GLI3: variants seen among roughly 807,000 people sequenced by gnomAD.
GLI3 encodes transcription activator GLI3.
GLI3 carries 20 observed loss-of-function variants against 100.8 expected under a neutral mutation model. The observed-to-expected ratio is 0.20, with a 90% confidence interval of 0.14 to 0.29. GLI3 has a LOEUF of 0.29. Ranked by LOEUF, GLI3 falls within the 10% of genes least tolerant of loss-of-function variation. The probability of loss-of-function intolerance (pLI) is 1.00; values close to 1 mark genes in which losing one functional copy is unlikely to be tolerated. For synonymous variants in GLI3, 938 were observed against 860.5 expected (o/e 1.09, Z -1.58); for missense variants, 2,040 against 2,128.5 (o/e 0.96, Z 0.82).
intron 2 of GLI3, among the ~76,000 whole-genome samples, chr7:42,204,215 C>T (rs1380401657): frequency 6.6e-6 from 1 of 151,610 alleles, no homozygotes; most frequent in African/African-American, 2.4e-5. Flanking sequence ...ACATTCTCTG[C>T]CTCCATCCTC....
intron 2 of GLI3, among the ~76,000 whole-genome samples, chr7:42,165,222 C>T (rs372473043): frequency 1.3e-5 from 2 of 151,728 alleles, no homozygotes; most frequent in Admixed American, 6.6e-5. Flanking sequence ...GAGTAGGGTG[C>T]GCTCTCTGGT....
At chr7:42,201,355 G>A (rs1055586790) in intron 2 of GLI3, among the ~76,000 whole-genome samples, 5 of 152,146 alleles carry the variant, frequency 3.3e-5, no homozygotes, top group African/African-American at 9.7e-5. Context: ...CAAAACTGCT[G>A]GGCAATTGAC....
chr7:42,107,133 C>G (rs1785595442), intron 3 of GLI3, among the ~76,000 whole-genome samples: 2 of 151,922 alleles, frequency 1.3e-5, no homozygotes, highest in Admixed American at 6.6e-5. Context: ...CTGGGCAACA[C>G]AGCAAGACCC....
chr7:42,233,173 T>C (rs935270099), intron 1 of GLI3, among the ~76,000 whole-genome samples: 4 of 152,188 alleles, frequency 2.6e-5, no homozygotes, highest in African/African-American at 7.2e-5. Context: ...ATTATGGCAA[T>C]TTTTAAAAAA....
intron 2 of GLI3, among the ~76,000 whole-genome samples, chr7:42,166,614 T>G (rs958050466): frequency 2.7e-5 from 4 of 149,502 alleles, no homozygotes; most frequent in African/African-American, 9.8e-5. Context: ...GAGGGAAGTC[T>G]CTTATGGCAG....
At chr7:42,213,178 T>C (rs906655877) in intron 2 of GLI3, among the ~76,000 whole-genome samples, 2 of 152,354 alleles carry the variant, frequency 1.3e-5, no homozygotes, top group Admixed American at 6.5e-5. Context: ...CTTCTACTTC[T>C]GAATTTTACA....
chr7:42,062,271 C>T (rs2128747476), intron 4 of GLI3, among the ~76,000 whole-genome samples: 1 of 152,278 alleles, frequency 6.6e-6, no homozygotes, highest in Middle Eastern at 3.4e-3. Context: ...TTAGCTTTGA[C>T]CATGTTATAA....
chr7:42,108,945 C>G (rs1476978823), intron 3 of GLI3, among the ~76,000 whole-genome samples: 1 of 152,092 alleles, frequency 6.6e-6, no homozygotes, highest in Non-Finnish European at 1.5e-5. Flanking sequence ...CCACCCCTGT[C>G]TCTGAGAACT....
In GLI3 at chr7:41,964,722, T is replaced by A; in HGVS notation, c.4351A>T (p.Ser1451Cys). The change falls in exon 15 of 15, where the codon AGT (serine) becomes TGT (cysteine). Residue 1451 changes from serine (S) to cysteine (C), a missense_variant. Transcript: ENST00000395925. ...GAACCAGCTTTCGTGTCTTGCTGAC[T>A]GAAGCCCACGGTTTGGTCATAGAAC... ...GQFYDQTVGF[S>C]QQDTKAGSFS... 1 of 1,614,180 alleles carries A rather than the reference T, an allele frequency of 6.2e-7. No individual in the cohort carries two copies. The highest frequency in any genetic ancestry group is 8.5e-7 in the Non-Finnish European group (1 of 1,179,988).
intron 3 of GLI3, among the ~76,000 whole-genome samples, chr7:42,098,279 C>T (rs1785385051): frequency 6.6e-6 from 1 of 152,136 alleles, no homozygotes; most frequent in African/African-American, 2.4e-5. Context: ...TTATCCCCAT[C>T]TCTCTGTCTC....
At chr7:42,074,762 T>A (rs1445541882) in intron 4 of GLI3, among the ~76,000 whole-genome samples, 2 of 152,204 alleles carry the variant, frequency 1.3e-5, no homozygotes, top group East Asian at 3.9e-4. Context: ...CCCGCAGCAA[T>A]GATATTCCCT....
At chr7:42,189,091 G>T (rs1267710131) in intron 2 of GLI3, among the ~76,000 whole-genome samples, 6 of 152,038 alleles carry the variant, frequency 3.9e-5, no homozygotes, top group Non-Finnish European at 8.8e-5. Flanking sequence ...GTGGCTGTGT[G>T]GGGGCAGGAA....
intron 2 of GLI3, among the ~76,000 whole-genome samples, chr7:42,208,385 A>G (rs1419339782): frequency 6.6e-6 from 1 of 152,092 alleles, no homozygotes; most frequent in East Asian, 1.9e-4. Context: ...TAAACCATCT[A>G]ATCTTCGTTA....
chr7:42,134,121 T>G, intron 3 of GLI3, among the ~76,000 whole-genome samples: 1 of 151,462 alleles, frequency 6.6e-6, no homozygotes, highest in Non-Finnish European at 1.5e-5. Context: ...TTGGCATACA[T>G]TTCCAAAAAG....
intron 2 of GLI3, among the ~76,000 whole-genome samples, chr7:42,209,557 A>G (rs997189566): frequency 7.2e-5 from 11 of 152,182 alleles, no homozygotes; most frequent in African/African-American, 1.9e-4. Flanking sequence ...CCTTTCATTT[A>G]ACATTCTGCA....
At chr7:42,018,218 G>T (rs1451408081) in intron 10 of GLI3, among the ~76,000 whole-genome samples, 4 of 152,220 alleles carry the variant, frequency 2.6e-5, no homozygotes, top group Admixed American at 2.6e-4. Context: ...ATTGTCAAAA[G>T]ATGGCTTTGA....
At chr7:42,236,004 CG>C (rs1015191605) in intron 1 of GLI3, among the ~76,000 whole-genome samples, 4 of 150,922 alleles carry the variant, frequency 2.7e-5, no homozygotes, top group African/African-American at 9.8e-5. Context: ...TCTTTCCACG[CG>C]GGGTCAGGCA....
At chr7:42,227,580 T>C (rs1195342444) in intron 1 of GLI3, 1 of 152,110 alleles carries the variant, frequency 6.6e-6, no homozygotes, top group Non-Finnish European at 1.5e-5. Context: ...CTTTTCTTTC[T>C]AAATTATAAA....
intron 2 of GLI3, among the ~76,000 whole-genome samples, chr7:42,183,792 G>A (rs1433233208): frequency 6.6e-6 from 1 of 152,118 alleles, no homozygotes; most frequent in Non-Finnish European, 1.5e-5. Context: ...CTTCAGAGCT[G>A]GACCGTCACC....
Sources: allele counts gnomAD v4.1 joint callset (sites outside exome capture counted in the v4.1 genomes callset), GRCh38; gene constraint gnomAD v4.1.1; transcripts MANE v1.5; gene names NCBI Gene and HGNC (gene_info 2026-07-23, HGNC 2026-07-21).